The following USP40 variants were observed in gnomAD, a reference collection of about 807,000 sequenced individuals.
USP40 encodes ubiquitin carboxyl-terminal hydrolase 40.
In USP40, 143 loss-of-function variants were observed where a neutral mutation model predicts 166.2. The ratio of observed to expected loss-of-function variants is 0.86; its 90% CI spans 0.75 to 0.99. The LOEUF (loss-of-function observed/expected upper bound fraction) is 0.99. Ranked by LOEUF, USP40 falls within the 50% of genes least tolerant of loss-of-function variation. The probability of loss-of-function intolerance (pLI) is 0.00; values close to 1 mark genes in which losing one functional copy is unlikely to be tolerated. For missense variants in USP40, 1,444 were observed against 1,479.7 expected, an observed-to-expected ratio of 0.98 and a Z score of 0.40; for synonymous variants, 498 against 524.0, an observed-to-expected ratio of 0.95 and a Z score of 0.68.
Position 233,527,519 on chromosome 2 carries a change from T to C in USP40, c.1613A>G (p.Tyr538Cys). The change falls in exon 13 of 32, where the codon TAT becomes TGT. Residue 538 changes from tyrosine to cysteine, a missense_variant. Physicochemically the swap from Tyr to Cys is radical, Grantham distance 194. Transcript: ENST00000678225. ...GTGCAGAGCCCCATTGAAGAAATGA[T>C]ACTGAGGGCCCAGGTGAAGATGCAA... Reference protein sequence around the residue: ...FELHLHLGPQYHFFNGALHPV... With the variant: ...FELHLHLGPQCHFFNGALHPV... 1.9e-6 allele frequency: 3 copies of C among 1,613,662 alleles called. No homozygotes were observed. Among genetic ancestry groups the C allele is most frequent in the East Asian group, 2.2e-5 (1 of 44,860 alleles).
chr2:233,496,369 T>C (rs1370159173), intron 24 of USP40, among the ~76,000 whole-genome samples: 1 of 152,226 alleles, frequency 6.6e-6, no homozygotes, highest in Non-Finnish European at 1.5e-5. Context: ...ATTCCACATT[T>C]AGAACTATTT....
chr2:233,480,577 C>T lies in USP40; in HGVS notation c.3599+626G>A, dbSNP rs920039863. Among the ~76,000 whole-genome samples, 1 of 152,254 alleles carries T rather than the reference C, an allele frequency of 6.6e-6. No homozygotes were observed. The highest frequency in any genetic ancestry group is 1.5e-5 in the Non-Finnish European group (1 of 68,046). Reference sequence around the variant, plus strand: ...CCTGACTGCAAGCAGCACCTGCTTCCTCCAGTGGCAGTAAGTGCAGAGCCA... The same window carrying T: ...CCTGACTGCAAGCAGCACCTGCTTCTTCCAGTGGCAGTAAGTGCAGAGCCA... On this transcript the variant is annotated intron_variant, in intron 31 of 31. Coordinates refer to ENST00000678225, the MANE Select transcript of USP40 (RefSeq NM_001365479.2). This position sits in a 1 kb window ranked among gnomAD's most constrained non-coding sequence, Gnocchi z 4.5.
At chr2:233,550,662 A>G (rs1263801453) in intron 7 of USP40, among the ~76,000 whole-genome samples, 1 of 152,206 alleles carries the variant, frequency 6.6e-6, no homozygotes, top group East Asian at 1.9e-4. Flanking sequence ...TATAAGAATG[A>G]TTTGTGATAA....
Position 233,496,776 on chromosome 2 carries a change from T to C in USP40, c.2772A>G (p.Glu924=), listed in dbSNP as rs1231288433. 4 of 1,612,662 alleles carry C rather than the reference T, an allele frequency of 2.5e-6. No homozygotes were observed. The highest frequency in any genetic ancestry group is 3.4e-6 in the Non-Finnish European group (4 of 1,179,372). ...ICSGDTLLLI[E]GQLPPLGFLK... ...ATCTTACCAGAGGAGGAAGTTGTCC[T>C]TCAATTAAAAGCAAAGTATCTCCAG... Residue 924 remains glutamate (E), a synonymous_variant, in exon 24 of 32, where the codon GAA becomes GAG. Coordinates refer to ENST00000678225, the MANE Select transcript of USP40 (RefSeq NM_001365479.2).
At chr2:233,494,705 A>G (rs900418624) in intron 24 of USP40, among the ~76,000 whole-genome samples, 2 of 151,094 alleles carry the variant, frequency 1.3e-5, no homozygotes, top group Admixed American at 1.3e-4. Context: ...AAATAAAAAA[A>G]TGTTTAAAAA....
At chr2:233,494,944 ATATATATATATT>A (rs796228753) in intron 24 of USP40, among the ~76,000 whole-genome samples, 5,186 of 43,320 alleles carry the variant, frequency 0.12, 293 homozygotes, top group Admixed American at 0.21. Flanking sequence ...ATATATATAT[ATATATATATATT>A]TATATATATA....
chr2:233,481,070 C>T (rs560756804), intron 31 of USP40, 133 bp downstream of exon 31: 140 of 798,822 alleles, frequency 1.8e-4, no homozygotes, highest in African/African-American at 1.4e-3. Context: ...GAGAAGGACC[C>T]GCCACACTGG....
rs903516869 is a variant in USP40, at chr2:233,480,495, G to A, written c.3599+708C>T. 5.3e-5 allele frequency among the ~76,000 whole-genome samples: 8 copies of A among 152,342 alleles called. No homozygotes were observed. Among genetic ancestry groups the A allele is most frequent in the Admixed American group, 1.3e-4 (2 of 15,304 alleles). On this transcript the variant is annotated intron_variant, in intron 31 of 31. Transcript: ENST00000678225. The surrounding 1 kb of genome is among the most constrained non-coding windows in gnomAD (Gnocchi z 4.5). Reference sequence around the variant, plus strand: ...GAACTGAGCCTCACGCCCCAGTTCCGGGTGTGTGGCCTGGAGGCCTGAAGA... The same window carrying A: ...GAACTGAGCCTCACGCCCCAGTTCCAGGTGTGTGGCCTGGAGGCCTGAAGA...
Position 233,562,823 on chromosome 2 carries a change from C to A in USP40, c.200-20G>T. The A allele has an allele frequency of 6.7e-7, 1 of 1,503,360 alleles. No homozygotes were observed. 93.1% of individuals were successfully genotyped at this position (1,503,360 alleles called of 1,614,324 possible). ...GAGCTTCTAAAGAAAAAGGTAGAAT[C>A]AGAGATGCAAATGACATCATTTCAT... On this transcript the variant is annotated intron_variant, in intron 2 of 31. Coordinates refer to ENST00000678225, the MANE Select transcript of USP40 (RefSeq NM_001365479.2).
At chr2:233,481,493 A>G (rs1399342921) in intron 30 of USP40, 196 bp from the exon 31 acceptor site, 1 of 582,118 alleles carries the variant, frequency 1.7e-6, no homozygotes, top group South Asian at 2.2e-5. Flanking sequence ...GAGCTCCACA[A>G]GGGAAATTAA....
intron 18 of USP40, among the ~76,000 whole-genome samples, chr2:233,517,387 T>TTTTTTG (rs2067282979): frequency 9.7e-6 from 1 of 103,270 alleles, no homozygotes; most frequent in South Asian, 3.1e-4. Flanking sequence ...TGGTTTTTTG[T>TTTTTTG]TTTTTTTTTT....
intron 17 of USP40, among the ~76,000 whole-genome samples, chr2:233,520,508 T>C (rs1358913709): frequency 6.6e-6 from 1 of 152,142 alleles, no homozygotes; most frequent in African/African-American, 2.4e-5. Context: ...TTAACGAAAC[T>C]AGTCTTCAAA....
chr2:233,566,315 G>T (rs2072150774), intron 1 of USP40, among the ~76,000 whole-genome samples: 1 of 152,192 alleles, frequency 6.6e-6, no homozygotes, highest in Non-Finnish European at 1.5e-5. Flanking sequence ...GTCACTTGGA[G>T]ATGAGAAACG....
chr2:233,514,724 A>G (rs1015288233), intron 18 of USP40, among the ~76,000 whole-genome samples: 4 of 152,210 alleles, frequency 2.6e-5, no homozygotes, highest in African/African-American at 9.7e-5. Flanking sequence ...ATGACAGCAA[A>G]CTATGCATTT....
chr2:233,565,716 C>G, intron 1 of USP40, 143 bp from the exon 2 acceptor site: 1 of 695,148 alleles, frequency 1.4e-6, no homozygotes, highest in Non-Finnish European at 2.3e-6. Flanking sequence ...GTTTTGGAGG[C>G]AGCAAGATCT....
rs910143620 is a variant in USP40, at chr2:233,565,354, A to G, written c.199+2T>C. 1.3e-6 allele frequency: 2 copies of G among 1,533,464 alleles called. No homozygotes were observed. The highest frequency in any genetic ancestry group is 1.7e-6 in the Non-Finnish European group (2 of 1,143,732). 95.0% of individuals were successfully genotyped at this position (1,533,464 alleles called of 1,614,324 possible). The stretch of plus-strand genomic sequence containing the variant: ...TAGTTAAATGTACGTAACATAGCAT[A>G]CCTCTGAATTCAGGTGTGAAATGAA... On this transcript the variant is annotated splice_donor_variant, in intron 2 of 31. Coordinates refer to ENST00000678225, the MANE Select transcript of USP40 (RefSeq NM_001365479.2). LOFTEE classifies it high-confidence loss of function.
intron 8 of USP40, among the ~76,000 whole-genome samples, chr2:233,543,652 C>A (rs185384237): frequency 4.6e-5 from 7 of 152,300 alleles, no homozygotes; most frequent in Non-Finnish European, 1.0e-4. Flanking sequence ...TGTGAGGACA[C>A]AGCAAGAAAG....
chr2:233,542,031 T>C (rs141250611), intron 9 of USP40, among the ~76,000 whole-genome samples: 15 of 152,312 alleles, frequency 9.8e-5, no homozygotes, highest in Non-Finnish European at 1.9e-4. Context: ...CTTTTGTATA[T>C]ATTTTCTGTT....
intron 4 of USP40, 60 bp from the exon 5 acceptor site, chr2:233,557,079 A>G (rs555521814): frequency 7.0e-7 from 1 of 1,436,146 alleles, no homozygotes; most frequent in Admixed American, 2.2e-5. Flanking sequence ...AAACATTAAA[A>G]AAACAAACAT....
Sources: gnomAD v4.1 joint callset for allele counts (sites outside exome capture counted in the v4.1 genomes callset) on GRCh38, gnomAD v4.1.1 for gene constraint, Gnocchi (gnomAD v3.1) non-coding constraint, MANE v1.5 for transcripts, NCBI Gene and HGNC (gene_info 2026-07-23, HGNC 2026-07-21) for gene names.